ADD3: variants seen among roughly 807,000 people sequenced by gnomAD.
ADD3 encodes adducin 3.
A neutral mutation model predicts 80.2 loss-of-function variants in ADD3; 25 were observed. The ratio of observed to expected loss-of-function variants is 0.31; its 90% CI spans 0.23 to 0.44. ADD3 has a LOEUF of 0.44. Ranked by LOEUF, ADD3 falls within the 20% of genes least tolerant of loss-of-function variation. The pLI, the probability that ADD3 is intolerant of heterozygous loss-of-function variation, is 1.00. For synonymous variants in ADD3, 284 were observed against 289.6 expected, an observed-to-expected ratio of 0.98 and a Z score of 0.20; for missense variants, 829 against 847.5, an observed-to-expected ratio of 0.98 and a Z score of 0.27.
intron 1 of ADD3, among the ~76,000 whole-genome samples, chr10:110,041,250 A>T (rs1208447604): frequency 6.6e-6 from 1 of 152,222 alleles, no homozygotes; most frequent in Non-Finnish European, 1.5e-5. Flanking sequence ...TGAATTAATA[A>T]CAGGAGAATT....
At chr10:110,070,126 C>T (rs545772383) in intron 1 of ADD3, among the ~76,000 whole-genome samples, 8 of 152,152 alleles carry the variant, frequency 5.3e-5, no homozygotes, top group Non-Finnish European at 1.2e-4. Context: ...TTAGACCAAG[C>T]TCCAGGGTAA....
intron 1 of ADD3, among the ~76,000 whole-genome samples, chr10:110,056,429 T>C (rs1858202263): frequency 6.6e-6 from 1 of 152,238 alleles, no homozygotes; most frequent in African/African-American, 2.4e-5. Context: ...CTAAGACAAT[T>C]AGTATCAACC....
chr10:110,064,614 TA>T (rs1843684070), intron 1 of ADD3, among the ~76,000 whole-genome samples: 1 of 152,204 alleles, frequency 6.6e-6, no homozygotes, highest in South Asian at 2.1e-4. Flanking sequence ...ATCAGTGGTC[TA>T]AAAAGATATA....
At position 110,130,368 on chromosome 10, in the gene ADD3, G is replaced by T; in HGVS notation, c.1614G>T (p.Met538Ile). The T allele has an allele frequency of 6.2e-7, 1 of 1,613,490 alleles. No individual in the cohort carries two copies. The highest frequency in any genetic ancestry group is 8.5e-7 in the Non-Finnish European group (1 of 1,179,686). ...GIVVDKPPST[M>I]QFEDDDHGPP... ...TTTTATTTTTTCTTTGTAAGACTAT[G>T]CAATTTGAAGATGATGATCATGGCC... The change falls in exon 13 of 15, where the codon ATG becomes ATT. Residue 538 changes from methionine (M) to isoleucine (I), a missense_variant. Met to Ile is a conservative substitution (Grantham distance 10). Transcript: ENST00000356080.
chr10:110,122,694 C>T (rs758562018), intron 9 of ADD3, among the ~76,000 whole-genome samples: 1 of 150,916 alleles, frequency 6.6e-6, no homozygotes, highest in Non-Finnish European at 1.5e-5. Context: ...AATCAGGGCT[C>T]ACTTGCAGTC....
At chr10:110,120,923 G>A (rs1225590601) in intron 8 of ADD3, among the ~76,000 whole-genome samples, 2 of 151,946 alleles carry the variant, frequency 1.3e-5, no homozygotes, top group South Asian at 2.1e-4. Flanking sequence ...TTAATAAATG[G>A]TGCTGGGAAA....
At chr10:110,115,041 T>C (rs1178861224) in intron 3 of ADD3, among the ~76,000 whole-genome samples, 1 of 144,312 alleles carries the variant, frequency 6.9e-6, no homozygotes, top group Non-Finnish European at 1.5e-5. Flanking sequence ...ATCACACCAC[T>C]GCATTGCAGC....
At chr10:110,012,470 T>A (rs1274739474) in intron 1 of ADD3, among the ~76,000 whole-genome samples, 3 of 152,242 alleles carry the variant, frequency 2.0e-5, no homozygotes, top group Non-Finnish European at 2.9e-5. Flanking sequence ...CGTTAACAAT[T>A]CCTTTCAGGC....
intron 1 of ADD3, among the ~76,000 whole-genome samples, chr10:110,055,131 T>A (rs897791143): frequency 1.3e-5 from 2 of 152,220 alleles, no homozygotes; most frequent in African/African-American, 4.8e-5. Context: ...TATTAGCTGT[T>A]TTAATGCTAA....
At chr10:109,997,215 A>G (rs1851397964) in intron 1 of ADD3, among the ~76,000 whole-genome samples, 1 of 152,136 alleles carries the variant, frequency 6.6e-6, no homozygotes, top group Non-Finnish European at 1.5e-5. Context: ...TGGAATTCTA[A>G]TCTTAAGTCT....
intron 1 of ADD3, among the ~76,000 whole-genome samples, chr10:110,047,298 A>T (rs1486574584): frequency 6.6e-6 from 1 of 152,358 alleles, no homozygotes; most frequent in South Asian, 2.1e-4. Flanking sequence ...CAACAGTCTG[A>T]GTAATATTAG....
At chr10:110,005,218 C>T (rs763729475), upstream of ADD3, among the ~76,000 whole-genome samples, 1 of 151,858 alleles carries the variant, frequency 6.6e-6, no homozygotes, top group Non-Finnish European at 1.5e-5. Flanking sequence ...CCTGCCACCA[C>T]GCCCGGCTAA....
chr10:110,015,079 T>C (rs974324316), intron 1 of ADD3, among the ~76,000 whole-genome samples: 7 of 152,178 alleles, frequency 4.6e-5, no homozygotes, highest in South Asian at 2.1e-4. Context: ...TTCACCATGT[T>C]GGCCAGGATG....
chr10:110,019,354 T>C (rs1853380972), intron 1 of ADD3, among the ~76,000 whole-genome samples: 1 of 147,476 alleles, frequency 6.8e-6, no homozygotes, highest in Non-Finnish European at 1.5e-5. Context: ...AACTTTCTGT[T>C]TGCTTTTTTT....
chr10:110,069,383 C>T (rs544470939), intron 1 of ADD3, among the ~76,000 whole-genome samples: 1 of 152,308 alleles, frequency 6.6e-6, no homozygotes, highest in South Asian at 2.1e-4. Context: ...GACCCAGTCT[C>T]AGCAATTTAA....
At position 110,116,242 on chromosome 10, in the gene ADD3, AT is replaced by A. The variant is rs775440650; in HGVS notation, c.335-11del. 3.2e-5 allele frequency: 51 copies of A among 1,612,390 alleles called. No individual in the cohort carries two copies. Among genetic ancestry groups the A allele is most frequent in the Non-Finnish European group, 4.2e-5 (50 of 1,179,252 alleles). On this transcript the variant is annotated splice_polypyrimidine_tract_variant and intron_variant, in intron 3 of 14. Coordinates refer to ENST00000356080, the MANE Select transcript of ADD3 (RefSeq NM_016824.5). The stretch of plus-strand genomic sequence containing the variant: ...TTGCATGACTCGTATCTCTCTCCAC[AT>A]TTTTTGCTCTTTTAGGTCTTGGCAT...
intron 1 of ADD3, among the ~76,000 whole-genome samples, chr10:110,053,592 T>G (rs1179344787): frequency 6.6e-6 from 1 of 152,192 alleles, no homozygotes; most frequent in East Asian, 1.9e-4. Flanking sequence ...TAGCTTGCTT[T>G]TGTTCATTTT....
intron 1 of ADD3, among the ~76,000 whole-genome samples, chr10:110,037,565 A>G (rs942683273): frequency 2.0e-5 from 3 of 149,842 alleles, no homozygotes; most frequent in African/African-American, 4.9e-5. Context: ...AGATCTCGCC[A>G]CTGCCCTCTA....
At chr10:110,087,324 G>A (rs1437524399) in intron 1 of ADD3, among the ~76,000 whole-genome samples, 4 of 152,152 alleles carry the variant, frequency 2.6e-5, no homozygotes, top group Non-Finnish European at 4.4e-5. Context: ...GAGCTACCAT[G>A]CCTGGTCCTG....
Sources: gnomAD v4.1 joint callset for allele counts (sites outside exome capture counted in the v4.1 genomes callset) on GRCh38, gnomAD v4.1.1 for gene constraint, MANE v1.5 for transcripts, NCBI Gene and HGNC (gene_info 2026-07-23, HGNC 2026-07-21) for gene names.